The following APBA1 variants were observed in gnomAD, a reference collection of about 807,000 sequenced individuals.
APBA1 encodes amyloid-beta A4 precursor protein-binding family A member 1.
A neutral mutation model predicts 86.6 loss-of-function variants in APBA1; 55 were observed. That is an observed-to-expected ratio of 0.64 (90% confidence interval 0.51 to 0.80). The LOEUF (loss-of-function observed/expected upper bound fraction) is 0.80. Among genes scored for constraint, APBA1 ranks in the 30% least tolerant of loss-of-function variants. The pLI, the probability that APBA1 is intolerant of heterozygous loss-of-function variation, is 0.00. For missense variants in APBA1, 1,090 were observed against 1,183.0 expected (o/e 0.92, Z 1.15); for synonymous variants, 511 against 493.9 (o/e 1.03, Z -0.46).
chr9:69,633,785 C>G (rs1202241700), intron 1 of APBA1, among the ~76,000 whole-genome samples: 1 of 152,210 alleles, frequency 6.6e-6, no homozygotes, highest in African/African-American at 2.4e-5. Context: ...GAAGTTCTCC[C>G]TGTTAGCAAC....
Position 69,454,132 on chromosome 9 carries a change from A to T in APBA1, c.1789-1831T>A, listed in dbSNP as rs376873650. Among the ~76,000 whole-genome samples the T allele has an allele frequency of 3.9e-5, 6 of 152,326 alleles. No homozygotes were observed. In the East Asian group the frequency reaches 1.2e-3, roughly 29 times the overall value. On this transcript the variant is annotated intron_variant, in intron 8 of 12. Transcript: ENST00000265381. ...ACTGCTCTTTCCCCACCTTTCCTAA[A>T]AGCACCTTATTAACAGCAAAATGGG...
rs1329238462 is a variant in APBA1, at chr9:69,558,658, C to T, written c.-69-41379G>A. On this transcript the variant is annotated intron_variant, in intron 1 of 12. Coordinates refer to ENST00000265381, the MANE Select transcript of APBA1 (RefSeq NM_001163.4). ...TTGTTATGCAGGTAAATTCATGTCA[C>T]AGGGGCTCGTTGTACAGATTATTTC... Among the ~76,000 whole-genome samples, 8 of 151,600 alleles carry T rather than the reference C, an allele frequency of 5.3e-5. No individual in the cohort carries two copies. In the East Asian group the frequency reaches 5.8e-4, roughly 11 times the overall value.
chr9:69,447,809 A>G (rs1273987492), intron 10 of APBA1, among the ~76,000 whole-genome samples: 1 of 152,162 alleles, frequency 6.6e-6, no homozygotes, highest in Non-Finnish European at 1.5e-5. Flanking sequence ...CATCCAGAGC[A>G]CAGACACACA....
intron 1 of APBA1, among the ~76,000 whole-genome samples, chr9:69,643,651 A>G (rs1823335359): frequency 1.3e-5 from 2 of 152,272 alleles, no homozygotes; most frequent in South Asian, 4.1e-4. Flanking sequence ...TCACTTTATA[A>G]AGCTTCACAT....
At chr9:69,665,559 C>A (rs944151899) in intron 1 of APBA1, among the ~76,000 whole-genome samples, 1 of 152,108 alleles carries the variant, frequency 6.6e-6, no homozygotes, top group African/African-American at 2.4e-5. Flanking sequence ...TTTGATAAAC[C>A]CTTACTAATG....
chr9:69,612,097 A>T (rs1048413727), intron 1 of APBA1, among the ~76,000 whole-genome samples: 1 of 152,116 alleles, frequency 6.6e-6, no homozygotes, highest in Non-Finnish European at 1.5e-5. Flanking sequence ...TTTTTGTGTA[A>T]TTCTTTGATA....
At chr9:69,666,781 G>A (rs772432028) in intron 1 of APBA1, among the ~76,000 whole-genome samples, 1 of 152,034 alleles carries the variant, frequency 6.6e-6, no homozygotes, top group African/African-American at 2.4e-5. Context: ...GTATATATCA[G>A]GTATGAATAA....
intron 2 of APBA1, among the ~76,000 whole-genome samples, chr9:69,502,239 C>A (rs1835890226): frequency 6.6e-6 from 1 of 151,992 alleles, no homozygotes. Flanking sequence ...AAGTTTTGCT[C>A]TGGTGATTTC....
intron 3 of APBA1, among the ~76,000 whole-genome samples, chr9:69,474,880 A>T (rs760862513): frequency 1.3e-5 from 2 of 152,232 alleles, no homozygotes; most frequent in Non-Finnish European, 2.9e-5. Context: ...TCTGCCACTC[A>T]GTTTAAACAG....
intron 1 of APBA1, among the ~76,000 whole-genome samples, chr9:69,539,665 C>T (rs1047988862): frequency 1.3e-5 from 2 of 152,210 alleles, no homozygotes; most frequent in Admixed American, 6.5e-5. Flanking sequence ...TCAGCGTCTA[C>T]GCTCCTCCTG....
In APBA1 at chr9:69,516,314, G is replaced by T; in HGVS notation, c.897C>A (p.Asp299Glu). 6.3e-7 allele frequency: 1 copy of T among 1,588,714 alleles called. No individual in the cohort carries two copies. Among genetic ancestry groups the T allele is most frequent in the Non-Finnish European group, 8.5e-7 (1 of 1,173,656 alleles). ...CGGCCGGGGTAGGGGGACGCTCCAG[G>T]TCCTGCTCGGCCTCAGGCATGTCCT... Reference protein sequence around the residue: ...AAEDMPEAEQDLERPPTPAGG... With the variant: ...AAEDMPEAEQELERPPTPAGG... The change falls in exon 2 of 13, where the codon GAC (aspartate) becomes GAA (glutamate). Residue 299 changes from aspartate to glutamate, a missense_variant. By Grantham distance (45) the Asp-to-Glu change is conservative (BLOSUM62 2). Transcript: ENST00000265381. This position sits in a 1 kb window ranked among gnomAD's most constrained non-coding sequence, Gnocchi z 7.3.
intron 1 of APBA1, among the ~76,000 whole-genome samples, chr9:69,609,801 G>C (rs576449466): frequency 1.3e-5 from 2 of 152,176 alleles, no homozygotes; most frequent in South Asian, 4.2e-4. Context: ...GTTTGTTGTT[G>C]TTGTTGTTGT....
chr9:69,465,774 T>G (rs1835268523), intron 5 of APBA1, among the ~76,000 whole-genome samples: 1 of 152,208 alleles, frequency 6.6e-6, no homozygotes, highest in African/African-American at 2.4e-5. Context: ...GGGCTTCCCC[T>G]AAAAGAACTG....
chr9:69,445,531 C>T (rs1834892906), intron 10 of APBA1, among the ~76,000 whole-genome samples: 1 of 152,230 alleles, frequency 6.6e-6, no homozygotes, highest in South Asian at 2.1e-4. Flanking sequence ...CCAGAATGGT[C>T]TCTATAGCAA....
intron 1 of APBA1, among the ~76,000 whole-genome samples, chr9:69,668,930 G>A (rs1439739257): frequency 3.3e-5 from 5 of 152,144 alleles, no homozygotes; most frequent in Admixed American, 1.3e-4. Flanking sequence ...TGTACCCTGT[G>A]AACTCCCACA....
At chr9:69,488,216 A>C (rs1835642593) in intron 2 of APBA1, among the ~76,000 whole-genome samples, 1 of 152,132 alleles carries the variant, frequency 6.6e-6, no homozygotes, top group African/African-American at 2.4e-5. Flanking sequence ...TCAGTCCTTA[A>C]ATATTTTTAA....
At chr9:69,570,814 T>C in intron 1 of APBA1, among the ~76,000 whole-genome samples, 1 of 152,138 alleles carries the variant, frequency 6.6e-6, no homozygotes, top group East Asian at 1.9e-4. Flanking sequence ...TAAATAACAT[T>C]TCATCCCCAC....
chr9:69,451,398 T>C (rs183174702), intron 9 of APBA1, among the ~76,000 whole-genome samples: 1 of 152,296 alleles, frequency 6.6e-6, no homozygotes, highest in East Asian at 1.9e-4. Flanking sequence ...TCATTAAAAG[T>C]TCTTTTTACC....
chr9:69,644,129 T>C (rs1473956833), intron 1 of APBA1, among the ~76,000 whole-genome samples: 2 of 152,226 alleles, frequency 1.3e-5, no homozygotes, highest in Non-Finnish European at 2.9e-5. Context: ...GACATGATCA[T>C]GTATATTTAC....
Sources: gnomAD v4.1 joint callset for allele counts (sites outside exome capture counted in the v4.1 genomes callset) on GRCh38, gnomAD v4.1.1 for gene constraint, Gnocchi (gnomAD v3.1) non-coding constraint, MANE v1.5 for transcripts, NCBI Gene and HGNC (gene_info 2026-07-23, HGNC 2026-07-21) for gene names.